DRAM2: variants seen among roughly 807,000 people sequenced by gnomAD.
DRAM2 encodes the protein DNA damage-regulated autophagy modulator protein 2.
A neutral mutation model predicts 33.5 loss-of-function variants in DRAM2; 26 were observed. That is an observed-to-expected ratio of 0.78 (90% CI 0.57 to 1.08). DRAM2 has a LOEUF of 1.08. Ranked by LOEUF, DRAM2 falls within the 50% of genes least tolerant of loss-of-function variation. The pLI, the probability that DRAM2 is intolerant of heterozygous loss-of-function variation, is 0.00. For synonymous variants in DRAM2, 98 were observed against 109.5 expected, an observed-to-expected ratio of 0.89 and a Z score of 0.66; for missense variants, 311 against 318.1, an observed-to-expected ratio of 0.98 and a Z score of 0.17.
At position 111,137,870 on chromosome 1, in the gene DRAM2, C is replaced by T. The variant is rs192977828; in HGVS notation, c.-78-284G>A. Among the ~76,000 whole-genome samples, 59 of 152,248 alleles carry T rather than the reference C, an allele frequency of 3.9e-4. 2 individuals are homozygous for T. In the South Asian group the frequency reaches 5.2e-3, roughly 13 times the overall value. Reference sequence around the variant, plus strand: ...AAAGAGGAAAAAAGAAATATCATTGCGTCTTCTCCTATAGAGAGACATGAG... The same window carrying T: ...AAAGAGGAAAAAAGAAATATCATTGTGTCTTCTCCTATAGAGAGACATGAG... On this transcript the variant is annotated intron_variant, in intron 2 of 9. Transcript: ENST00000484310.
At chr1:111,119,985 A>G in intron 7 of DRAM2, 26 bp from the exon 8 acceptor site, 1 of 1,589,348 alleles carries the variant, frequency 6.3e-7, no homozygotes, top group Non-Finnish European at 8.6e-7. Flanking sequence ...TCAAGGAAGA[A>G]TCTCAGAGAC....
At chr1:111,122,312 G>C (rs1650196789) in intron 6 of DRAM2, among the ~76,000 whole-genome samples, 1 of 152,148 alleles carries the variant, frequency 6.6e-6, no homozygotes, top group Non-Finnish European at 1.5e-5. Context: ...GAACCATTGA[G>C]GAGGCTATGG....
In DRAM2 at chr1:111,137,522, C is replaced by G. The variant is rs1314474597; in HGVS notation, c.-15+1G>C. On this transcript the variant is annotated splice_donor_variant, in intron 3 of 9. Transcript: ENST00000484310. LOFTEE classifies it low-confidence loss of function (5UTR_SPLICE). The stretch of plus-strand genomic sequence containing the variant: ...CTCTTATAATGTGAAAAATGAATTA[C>G]CTGTTTTACAACTTCACAAAATGTT... 6.6e-6 allele frequency: 1 copy of G among 152,186 alleles called. No homozygotes were observed. The highest frequency in any genetic ancestry group is 1.9e-4 in the East Asian group (1 of 5,200). 9.4% of individuals were successfully genotyped at this position (152,186 alleles called of 1,614,324 possible).
At position 111,121,932 on chromosome 1, in the gene DRAM2, C is replaced by T. The variant is rs547496395; in HGVS notation, c.340-1239G>A. ...AATTTACAACCATGGATATAAAGGG[C>T]GTTATGGCCTACCAAACAGAGGAAA... On this transcript the variant is annotated intron_variant, in intron 6 of 9. Transcript: ENST00000484310. Among the ~76,000 whole-genome samples, 7 of 152,038 alleles carry T rather than the reference C, an allele frequency of 4.6e-5. No individual in the cohort carries two copies. The East Asian group carries it at 7.7e-4, about 17-fold the overall frequency.
chr1:111,118,946 A>G (rs1320775528), intron 8 of DRAM2, 49 bp from the exon 9 acceptor site: 1 of 1,298,168 alleles, frequency 7.7e-7, no homozygotes, highest in Non-Finnish European at 1.1e-6. Flanking sequence ...CATTTAAACG[A>G]TCTATATACT....
chr1:111,120,645 C>T lies in DRAM2; in HGVS notation c.388G>A (p.Gly130Ser), dbSNP rs769951112. The T allele has an allele frequency of 1.2e-6, 2 of 1,606,534 alleles. No individual in the cohort carries two copies. The highest frequency in any genetic ancestry group is 1.7e-6 in the Non-Finnish European group (2 of 1,176,042). ...ACAAACATATATAATGAGCCCATAC[C>T]AAAGGTAAGCACAGCTCCACTTACA... ...AHVSGAVLTFGMGSLYMFVQT... is the reference protein window; with the variant it reads ...AHVSGAVLTFSMGSLYMFVQT... Residue 130 changes from glycine to serine, a missense_variant, in exon 7 of 10, where the codon GGT becomes AGT. Transcript: ENST00000484310.
intron 8 of DRAM2, among the ~76,000 whole-genome samples, chr1:111,119,340 C>A (rs1649520677): frequency 6.6e-6 from 1 of 151,916 alleles, no homozygotes; most frequent in Non-Finnish European, 1.5e-5. Context: ...CACAAACATG[C>A]CCAATTTGGG....
intron 5 of DRAM2, among the ~76,000 whole-genome samples, chr1:111,125,924 C>T (rs1650915429): frequency 6.6e-6 from 1 of 152,192 alleles, no homozygotes; most frequent in African/African-American, 2.4e-5. Context: ...CTCTTTGTTC[C>T]TTACTGGTTG....
At chr1:111,131,591 GAA>G (rs1491340201) in intron 3 of DRAM2, 23 bp from the exon 4 acceptor site, 1 of 1,611,702 alleles carries the variant, frequency 6.2e-7, no homozygotes, top group Non-Finnish European at 8.5e-7. Flanking sequence ...AAACATATTA[GAA>G]AAGATAATTC....
intron 9 of DRAM2, chr1:111,118,482 TTTCTACTAAGAA>T: frequency 8.0e-6 from 4 of 499,786 alleles, no homozygotes; most frequent in Non-Finnish European, 1.4e-5. Context: ...TTTTCTTTGG[TTTCTACTAAGAA>T]TCAGTAAAAC....
chr1:111,128,490 A>AT (rs1280442036), intron 4 of DRAM2, among the ~76,000 whole-genome samples: 4 of 152,158 alleles, frequency 2.6e-5, no homozygotes, highest in Admixed American at 1.3e-4. Flanking sequence ...GTGGCCTCTT[A>AT]TATTACAGTA....
intron 3 of DRAM2, among the ~76,000 whole-genome samples, chr1:111,134,461 C>T (rs1652740157): frequency 6.6e-6 from 1 of 152,268 alleles, no homozygotes; most frequent in South Asian, 2.1e-4. Context: ...TAAATATACA[C>T]ATTTGCATTT....
At position 111,120,381 on chromosome 1, in the gene DRAM2, CAAAAAAAAAAAAAAAAAAAAAAAAA is replaced by C. The variant is rs200318036; in HGVS notation, c.517+110_517+134del. On this transcript the variant is annotated intron_variant, in intron 7 of 9. Coordinates refer to ENST00000484310, the MANE Select transcript of DRAM2 (RefSeq NM_001349884.2). ...ATTGTGAACCTAAGAATCTCTCCTA[CAAAAAAAAAAAAAAAAAAAAAAAAA>C]AAAAAAAAAAAAAGACAAAAAGGCT... 269 of 172,998 alleles carry C rather than the reference CAAAAAAAAAAAAAAAAAAAAAAAAA, an allele frequency of 1.6e-3. 3 individuals are homozygous for C. The highest frequency in any genetic ancestry group is 3.6e-3 in the Middle Eastern group (2 of 558). 10.7% of individuals were successfully genotyped at this position (172,998 alleles called of 1,614,324 possible). A position where few individuals can be genotyped will look rare whatever the true frequency, so the allele number is the denominator to read the frequency against.
At chr1:111,122,445 T>G (rs688120) in intron 6 of DRAM2, among the ~76,000 whole-genome samples, 19 of 152,098 alleles carry the variant, frequency 1.2e-4, no homozygotes, top group East Asian at 9.7e-4. Context: ...AGTAAAACCA[T>G]TAAGTCCTGA....
intron 4 of DRAM2, among the ~76,000 whole-genome samples, chr1:111,129,860 G>C (rs1281719647): frequency 6.6e-6 from 1 of 152,120 alleles, no homozygotes; most frequent in Non-Finnish European, 1.5e-5. Context: ...AAAGAGTTTT[G>C]TACATACATG....
chr1:111,128,305 G>T (rs1413359814), intron 4 of DRAM2, among the ~76,000 whole-genome samples: 1 of 152,010 alleles, frequency 6.6e-6, no homozygotes, highest in African/African-American at 2.4e-5. Flanking sequence ...ATAAGTACTA[G>T]AGTTTAAATA....
rs2101001548 is a variant in DRAM2 at position 111,118,274 on chromosome 1, C to A, written c.694-7G>T. ...CCACCCGTAAAGAAATTTTCTGGAA[C>A]AGAAAAGAAAATTATATATAGAAGT... On this transcript the variant is annotated splice_polypyrimidine_tract_variant and splice_region_variant and intron_variant, in intron 9 of 9. Transcript: ENST00000484310. The A allele has an allele frequency of 6.3e-7, 1 of 1,599,910 alleles. No homozygotes were observed. The highest frequency in any genetic ancestry group is 1.1e-5 in the South Asian group (1 of 90,044).
At position 111,139,577 on chromosome 1, in the gene DRAM2, C is replaced by CAGTT. The variant is rs1654099054; in HGVS notation, c.-156_-155insAACT. 6.6e-6 allele frequency: 1 copy of CAGTT among 152,298 alleles called. No individual in the cohort carries two copies. The highest frequency in any genetic ancestry group is 1.5e-5 in the Non-Finnish European group (1 of 68,102). 9.4% of individuals were successfully genotyped at this position (152,298 alleles called of 1,614,324 possible). ...AAGGGTTGAAGATTCTTGGTAACTG[C>CAGTT]TTCAACAAACCAGAGGAATTAATTA... On this transcript the variant is annotated 5_prime_UTR_variant, in exon 2 of 10. Coordinates refer to ENST00000484310, the MANE Select transcript of DRAM2 (RefSeq NM_001349884.2).
rs2101084403 is a variant in DRAM2 at position 111,131,288 on chromosome 1, T to C, written c.131+136A>G. 5.1e-6 allele frequency: 5 copies of C among 986,536 alleles called. No individual in the cohort carries two copies. In the South Asian group the frequency reaches 8.6e-5, roughly 17 times the overall value. 61.1% of individuals were successfully genotyped at this position (986,536 alleles called of 1,614,324 possible). On this transcript the variant is annotated intron_variant, in intron 4 of 9. Transcript: ENST00000484310. Reference sequence around the variant, plus strand: ...AAAGAAAAAGCCAAATTCAAGTTCCTTTTTATATTCCCTTTATTGTTGTAA... The same window carrying C: ...AAAGAAAAAGCCAAATTCAAGTTCCCTTTTATATTCCCTTTATTGTTGTAA...
Sources: gnomAD v4.1 joint callset for allele counts (sites outside exome capture counted in the v4.1 genomes callset) on GRCh38, gnomAD v4.1.1 for gene constraint, MANE v1.5 for transcripts, NCBI Gene and HGNC (gene_info 2026-07-23, HGNC 2026-07-21) for gene names.